The following NLGN1 variants were observed in gnomAD, a reference collection of about 807,000 sequenced individuals.
The protein encoded by NLGN1 is neuroligin-1.
A neutral mutation model predicts 65.5 loss-of-function variants in NLGN1; 12 were observed. The observed-to-expected ratio is 0.18, with a 90% CI of 0.12 to 0.30. The LOEUF is 0.30. Ranked by LOEUF, NLGN1 falls within the 10% of genes least tolerant of loss-of-function variation. NLGN1 has a pLI of 1.00. For synonymous variants in NLGN1, 350 were observed against 359.5 expected (o/e 0.97, Z 0.30); for missense variants, 750 against 1,007.1 (o/e 0.74, Z 3.46).
chr3:173,980,319 G>A (rs538727842), intron 4 of NLGN1, among the ~76,000 whole-genome samples: 11 of 151,678 alleles, frequency 7.3e-5, no homozygotes, highest in Non-Finnish European at 1.3e-4. Context: ...CATATTTTCC[G>A]TTATTTAATC....
At chr3:173,713,459 G>A (rs1279564274) in intron 3 of NLGN1, among the ~76,000 whole-genome samples, 1 of 152,042 alleles carries the variant, frequency 6.6e-6, no homozygotes, top group Non-Finnish European at 1.5e-5. Context: ...TTAAGAGAAG[G>A]AGAAGAATGG....
intron 3 of NLGN1, among the ~76,000 whole-genome samples, chr3:173,708,720 A>C (rs369164167): frequency 1.1e-4 from 17 of 152,308 alleles, no homozygotes; most frequent in African/African-American, 4.1e-4. Flanking sequence ...TCTGACGTAC[A>C]GGACCCAGGG....
intron 3 of NLGN1, among the ~76,000 whole-genome samples, chr3:173,672,288 A>G (rs373715623): frequency 6.6e-5 from 10 of 152,344 alleles, no homozygotes; most frequent in African/African-American, 1.2e-4. Context: ...TTTATGTGCT[A>G]TCTTGCTTCC....
intron 4 of NLGN1, among the ~76,000 whole-genome samples, chr3:174,156,166 A>C (rs1178730083): frequency 6.6e-6 from 1 of 151,894 alleles, no homozygotes; most frequent in Non-Finnish European, 1.5e-5. Context: ...ACTTTAACGC[A>C]TGTATGGAGT....
chr3:173,586,456 A>T (rs1747456667), intron 2 of NLGN1, among the ~76,000 whole-genome samples: 1 of 152,188 alleles, frequency 6.6e-6, no homozygotes, highest in African/African-American at 2.4e-5. Context: ...GATTAGTCTA[A>T]CCAAACTTTC....
chr3:173,655,826 C>T (rs189724132), intron 3 of NLGN1, among the ~76,000 whole-genome samples: 3 of 151,492 alleles, frequency 2.0e-5, no homozygotes, highest in East Asian at 1.9e-4. Context: ...TGGAAAAGTG[C>T]ATATGTTACC....
chr3:174,165,821 C>T (rs1051663043), intron 4 of NLGN1, among the ~76,000 whole-genome samples: 1 of 152,050 alleles, frequency 6.6e-6, no homozygotes, highest in East Asian at 1.9e-4. Flanking sequence ...GTCTGTGAAT[C>T]CATCTGGTCT....
At chr3:173,492,154 C>A (rs961996937) in intron 2 of NLGN1, among the ~76,000 whole-genome samples, 1 of 151,814 alleles carries the variant, frequency 6.6e-6, no homozygotes, top group Non-Finnish European at 1.5e-5. Context: ...ATAATACTTA[C>A]ATCATAAAGT....
intron 1 of NLGN1, among the ~76,000 whole-genome samples, chr3:173,415,915 AGAGG>A (rs1367724061): frequency 1.5e-4 from 21 of 138,096 alleles, no homozygotes; most frequent in Admixed American, 4.1e-4. Flanking sequence ...AGAGAGAGAG[AGAGG>A]GAGAGAGAGA....
chr3:174,054,379 A>G (rs187561061), intron 4 of NLGN1, among the ~76,000 whole-genome samples: 32 of 152,202 alleles, frequency 2.1e-4, no homozygotes, highest in Non-Finnish European at 8.8e-5. Context: ...AAATAGTGGT[A>G]TCTAAAATAA....
At chr3:173,883,649 C>G (rs1256289753) in intron 4 of NLGN1, among the ~76,000 whole-genome samples, 11 of 151,888 alleles carry the variant, frequency 7.2e-5, no homozygotes, top group Admixed American at 7.2e-4. Context: ...ATTTATGGTG[C>G]ACAATGTGTT....
chr3:173,773,337 T>C (rs997180880), intron 3 of NLGN1, among the ~76,000 whole-genome samples: 1 of 152,202 alleles, frequency 6.6e-6, no homozygotes, highest in African/African-American at 2.4e-5. Flanking sequence ...AAACATTTTT[T>C]TATTAATCTT....
intron 4 of NLGN1, among the ~76,000 whole-genome samples, chr3:173,853,197 G>A (rs1372432371): frequency 6.6e-6 from 1 of 152,168 alleles, no homozygotes; most frequent in East Asian, 1.9e-4. Flanking sequence ...GCACAGACAG[G>A]ATAATGACAA....
intron 3 of NLGN1, among the ~76,000 whole-genome samples, chr3:173,712,086 G>T (rs973903324): frequency 2.6e-5 from 4 of 152,172 alleles, no homozygotes; most frequent in African/African-American, 9.6e-5. Context: ...TACAGATCAG[G>T]AAATTCATGG....
chr3:173,818,499 C>G (rs577217924), intron 4 of NLGN1, among the ~76,000 whole-genome samples: 1 of 152,022 alleles, frequency 6.6e-6, no homozygotes, highest in South Asian at 2.1e-4. Flanking sequence ...AAAAAAGCAA[C>G]TGTGGAAAAA....
chr3:173,954,105 TATC>T (rs1029004612), intron 4 of NLGN1, among the ~76,000 whole-genome samples: 1 of 152,036 alleles, frequency 6.6e-6, no homozygotes, highest in African/African-American at 2.4e-5. Flanking sequence ...TGTAAAATAT[TATC>T]ATCAGTCTAC....
chr3:173,604,098 T>C (rs1221365863), intron 2 of NLGN1, among the ~76,000 whole-genome samples, 181 bp from the exon 2 acceptor site: 1 of 152,154 alleles, frequency 6.6e-6, no homozygotes. Flanking sequence ...CATTTCTCAA[T>C]AATCTTATAA....
At chr3:173,584,514 G>A (rs1746990473) in intron 2 of NLGN1, 1 of 142,138 alleles carries the variant, frequency 7.0e-6, no homozygotes. Flanking sequence ...TCAGTCACCC[G>A]AACAGGGTTA....
intron 4 of NLGN1, among the ~76,000 whole-genome samples, chr3:174,148,665 T>A (rs746744988): frequency 1.3e-5 from 2 of 152,176 alleles, no homozygotes; most frequent in South Asian, 4.1e-4. Flanking sequence ...AAACTTTACT[T>A]GCTCTAAATC....
Sources: allele counts gnomAD v4.1 joint callset (sites outside exome capture counted in the v4.1 genomes callset), GRCh38; gene constraint gnomAD v4.1.1; transcripts MANE v1.5; gene names NCBI Gene and HGNC (gene_info 2026-07-23, HGNC 2026-07-21).